Variants in MB21D2 observed in about 807,000 individuals in gnomAD.
MB21D2 encodes nucleotidyltransferase MB21D2.
In MB21D2, 9 loss-of-function variants were observed where a neutral mutation model predicts 33.3. The ratio of observed to expected loss-of-function variants is 0.27; its 90% CI spans 0.16 to 0.47. The LOEUF (loss-of-function observed/expected upper bound fraction) is 0.47. Ranked by LOEUF, MB21D2 falls within the 20% of genes least tolerant of loss-of-function variation. The pLI is 0.99. For synonymous variants in MB21D2, 241 were observed against 236.3 expected, an observed-to-expected ratio of 1.02 and a Z score of -0.18; for missense variants, 540 against 624.6, an observed-to-expected ratio of 0.86 and a Z score of 1.44.
In MB21D2 at chr3:192,798,148, A is replaced by C. The variant is rs1021724495; in HGVS notation, c.*238T>G. 3 of 445,058 alleles carry C rather than the reference A, an allele frequency of 6.7e-6. No individual in the cohort carries two copies. The highest frequency in any genetic ancestry group is 5.9e-5 in the African/African-American group (3 of 50,968). The allele number at this position is 445,058 out of a possible 1,614,324, so 27.6% of individuals were successfully genotyped here. ...CTCCTTAAAAAGAAAAAAAACTCCA[A>C]CAAACTAAAGAGCATGACAATAACT... is the stretch of plus-strand genomic sequence containing the variant. On this transcript the variant is annotated 3_prime_UTR_variant, in exon 2 of 2. Coordinates refer to ENST00000392452, the MANE Select transcript of MB21D2 (RefSeq NM_178496.4). The surrounding 1 kb of genome is among the most constrained non-coding windows in gnomAD (Gnocchi z 4.8).
Position 192,798,259 on chromosome 3 carries a change from A to G in MB21D2, c.*127T>C. 1 of 1,033,740 alleles carries G rather than the reference A, an allele frequency of 9.7e-7. No homozygotes were observed. Among genetic ancestry groups the G allele is most frequent in the Non-Finnish European group, 1.4e-6 (1 of 716,652 alleles). The allele number at this position is 1,033,740 out of a possible 1,614,324, so 64.0% of individuals were successfully genotyped here. ...CCTGCACCATCCTGCAGAACCAGGAAACTTAAAATTTGTTCTTAACAAATC... is the reference window on the plus strand; with the variant it reads ...CCTGCACCATCCTGCAGAACCAGGAGACTTAAAATTTGTTCTTAACAAATC... On this transcript the variant is annotated 3_prime_UTR_variant, in exon 2 of 2. Transcript: ENST00000392452. This position sits in a 1 kb window ranked among gnomAD's most constrained non-coding sequence, Gnocchi z 4.8.
intron 1 of MB21D2, among the ~76,000 whole-genome samples, chr3:192,820,012 T>G (rs1416458564): frequency 2.0e-5 from 3 of 152,156 alleles, no homozygotes; most frequent in Non-Finnish European, 1.5e-5. Flanking sequence ...AGGTTTCTGT[T>G]TCCTTGGCTA....
chr3:192,822,675 T>C (rs1039019219), intron 1 of MB21D2, among the ~76,000 whole-genome samples: 1 of 152,222 alleles, frequency 6.6e-6, no homozygotes, highest in Non-Finnish European at 1.5e-5. Flanking sequence ...CTTTTCTGCG[T>C]GCAAAACAGA....
In MB21D2 at chr3:192,804,399, T is replaced by C. The variant is rs564032682; in HGVS notation, c.212-4749A>G. ...ATACTAAGTAGGTAAGTCAAAATAG[T>C]ACCTGTATAGACTTCTTTAAAACAG... On this transcript the variant is annotated intron_variant, in intron 1 of 1. Coordinates refer to ENST00000392452, the MANE Select transcript of MB21D2 (RefSeq NM_178496.4). Among the ~76,000 whole-genome samples the C allele has an allele frequency of 2.0e-5, 3 of 149,196 alleles. No homozygotes were observed. The East Asian group carries it at 5.9e-4, about 30-fold the overall frequency.
At chr3:192,830,105 G>A (rs1403580303) in intron 1 of MB21D2, among the ~76,000 whole-genome samples, 2 of 151,976 alleles carry the variant, frequency 1.3e-5, no homozygotes, top group Non-Finnish European at 2.9e-5. Flanking sequence ...TCCCACCTCG[G>A]CCTCCCAGAG....
intron 1 of MB21D2, among the ~76,000 whole-genome samples, chr3:192,907,532 G>A (rs1714239514): frequency 6.6e-6 from 1 of 152,066 alleles, no homozygotes; most frequent in Admixed American, 6.5e-5. Context: ...ATCTCCAACC[G>A]ATTCTGTGAC....
At chr3:192,884,531 T>G (rs1428228263) in intron 1 of MB21D2, among the ~76,000 whole-genome samples, 1 of 105,574 alleles carries the variant, frequency 9.5e-6, no homozygotes, top group East Asian at 3.8e-4. Flanking sequence ...CACGCCCGGC[T>G]AATTTTTTGT....
chr3:192,805,057 T>C (rs1270968614), intron 1 of MB21D2, among the ~76,000 whole-genome samples: 1 of 152,196 alleles, frequency 6.6e-6, no homozygotes, highest in Non-Finnish European at 1.5e-5. Context: ...AGTGACAGAT[T>C]ACCAGCATTG....
At chr3:192,870,699 G>GAAGAAAAA (rs1553859970) in intron 1 of MB21D2, among the ~76,000 whole-genome samples, 6 of 41,664 alleles carry the variant, frequency 1.4e-4, no homozygotes, top group African/African-American at 5.4e-4. Flanking sequence ...CGACTCCGTT[G>GAAGAAAAA]AAAAAAAAAA....
At chr3:192,852,721 C>T (rs1478284168) in intron 1 of MB21D2, among the ~76,000 whole-genome samples, 1 of 152,122 alleles carries the variant, frequency 6.6e-6, no homozygotes, top group Non-Finnish European at 1.5e-5. Context: ...TGGATGACTG[C>T]CAGAAGCAGG....
At chr3:192,853,054 C>A (rs1373956632) in intron 1 of MB21D2, among the ~76,000 whole-genome samples, 1 of 151,030 alleles carries the variant, frequency 6.6e-6, no homozygotes, top group Non-Finnish European at 1.5e-5. Flanking sequence ...CTCTCTCTCT[C>A]TGAGACCATT....
intron 1 of MB21D2, among the ~76,000 whole-genome samples, chr3:192,827,125 T>C (rs1712191303): frequency 2.0e-5 from 3 of 152,138 alleles, no homozygotes. Context: ...CTCGATCTCC[T>C]GACCTCGTGA....
chr3:192,839,814 G>A (rs1473689381), intron 1 of MB21D2, among the ~76,000 whole-genome samples: 1 of 152,104 alleles, frequency 6.6e-6, no homozygotes, highest in Non-Finnish European at 1.5e-5. Context: ...TAACCACCTA[G>A]GAGCATAAAA....
intron 1 of MB21D2, among the ~76,000 whole-genome samples, chr3:192,855,222 C>T (rs1712891248): frequency 6.6e-6 from 1 of 152,136 alleles, no homozygotes; most frequent in Non-Finnish European, 1.5e-5. Context: ...CCTCAGCCTC[C>T]CGAGCAGCTG....
intron 1 of MB21D2, among the ~76,000 whole-genome samples, chr3:192,858,291 C>G (rs1459707559): frequency 6.6e-6 from 1 of 152,198 alleles, no homozygotes; most frequent in Non-Finnish European, 1.5e-5. Flanking sequence ...CACCAGCTAT[C>G]TCCTGCCCCT....
intron 1 of MB21D2, among the ~76,000 whole-genome samples, chr3:192,842,793 G>A (rs1315008945): frequency 1.3e-5 from 2 of 152,102 alleles, no homozygotes; most frequent in African/African-American, 4.8e-5. Flanking sequence ...TTGGTTCTTT[G>A]GGAAGTGGAC....
chr3:192,842,071 T>C (rs976316048), intron 1 of MB21D2, among the ~76,000 whole-genome samples: 11 of 148,184 alleles, frequency 7.4e-5, no homozygotes, highest in Admixed American at 7.2e-4. Flanking sequence ...GGGAAGTAGC[T>C]AGGAGGGCGC....
At chr3:192,887,405 T>C (rs1180065909) in intron 1 of MB21D2, among the ~76,000 whole-genome samples, 1 of 152,166 alleles carries the variant, frequency 6.6e-6, no homozygotes, top group Non-Finnish European at 1.5e-5. Context: ...AAAGAGTTCT[T>C]GAAATTGATT....
chr3:192,846,700 A>G (rs575904715), intron 1 of MB21D2, among the ~76,000 whole-genome samples: 2 of 152,342 alleles, frequency 1.3e-5, no homozygotes, highest in Admixed American at 6.5e-5. Context: ...CCATCATTTG[A>G]CCAAGCCATA....
Sources: gnomAD v4.1 joint callset for allele counts (sites outside exome capture counted in the v4.1 genomes callset) on GRCh38, gnomAD v4.1.1 for gene constraint, Gnocchi (gnomAD v3.1) non-coding constraint, MANE v1.5 for transcripts, NCBI Gene and HGNC (gene_info 2026-07-23, HGNC 2026-07-21) for gene names.